SLC1A3: variants seen among roughly 807,000 people sequenced by gnomAD.
SLC1A3 encodes the protein solute carrier family 1 member 3.
A neutral mutation model predicts 48.1 loss-of-function variants in SLC1A3; 21 were observed. That is an observed-to-expected ratio of 0.44 (90% CI 0.31 to 0.63). The LOEUF is 0.63. SLC1A3 is among the 20% of genes least tolerant of loss of function. SLC1A3 has a pLI of 0.08. For synonymous variants in SLC1A3, 239 were observed against 251.4 expected (o/e 0.95, Z 0.47); for missense variants, 546 against 689.0 (o/e 0.79, Z 2.32).
At chr5:36,661,351 G>T (rs1741506979) in intron 3 of SLC1A3, among the ~76,000 whole-genome samples, 1 of 152,244 alleles carries the variant, frequency 6.6e-6, no homozygotes, top group African/African-American at 2.4e-5. Context: ...GGCAGAGGTT[G>T]CAGTAAGCTG....
chr5:36,602,219 T>C (rs1291452167), upstream of SLC1A3, among the ~76,000 whole-genome samples: 1 of 152,168 alleles, frequency 6.6e-6, no homozygotes, highest in Non-Finnish European at 1.5e-5. Flanking sequence ...GGGGCTTCTT[T>C]TGGGAAAAGA....
intron 8 of SLC1A3, 61 bp downstream of exon 8, chr5:36,680,650 GC>G (rs1320038883): frequency 1.3e-4 from 179 of 1,396,142 alleles, no homozygotes; most frequent in Non-Finnish European, 1.7e-4. Context: ...GGGCGTGGTG[GC>G]TCACGCCTGT....
At chr5:36,629,180 T>G (rs949652213) in intron 2 of SLC1A3, among the ~76,000 whole-genome samples, 6 of 152,184 alleles carry the variant, frequency 3.9e-5, no homozygotes, top group Admixed American at 3.3e-4. Context: ...TGAGTTCCAC[T>G]GCATTCAAGT....
intron 3 of SLC1A3, chr5:36,629,796 G>A (rs189172790): frequency 3.7e-5 from 21 of 568,370 alleles, no homozygotes; most frequent in African/African-American, 5.7e-5. Flanking sequence ...AAGAGGAAAC[G>A]AATTTAAACA....
rs68027582 is a variant in SLC1A3, at chr5:36,645,319, CTTTTTTTTTTTTTT to C, written c.319+15748_319+15761del. Among the ~76,000 whole-genome samples, 13 of 84,300 alleles carry C rather than the reference CTTTTTTTTTTTTTT, an allele frequency of 1.5e-4. 1 individual carries two copies. The highest frequency in any genetic ancestry group is 1.5e-3 in the South Asian group (3 of 2,068). 55.3% of individuals were successfully genotyped at this position (84,300 alleles called of 152,430 possible). ...ATCTTTGAGGACTGACTTCCGCTGC[CTTTTTTTTTTTTTT>C]TTTTTTTTTTTTTTTGATAGAGTCT... On this transcript the variant is annotated intron_variant, in intron 3 of 9. Coordinates refer to ENST00000265113, the MANE Select transcript of SLC1A3 (RefSeq NM_004172.5).
At chr5:36,604,053 C>CA (rs1738838268), upstream of SLC1A3, among the ~76,000 whole-genome samples, 2 of 151,676 alleles carry the variant, frequency 1.3e-5, no homozygotes, top group Non-Finnish European at 2.9e-5. Flanking sequence ...CCTTTAAGGA[C>CA]AGGTTGGATT....
intron 2 of SLC1A3, among the ~76,000 whole-genome samples, chr5:36,618,004 A>T (rs941743887): frequency 6.6e-6 from 1 of 152,224 alleles, no homozygotes; most frequent in Non-Finnish European, 1.5e-5. Flanking sequence ...TTTAAAAAAG[A>T]GTTAGCCTCG....
At chr5:36,672,463 G>A (rs764755782) in intron 4 of SLC1A3, among the ~76,000 whole-genome samples, 7 of 152,186 alleles carry the variant, frequency 4.6e-5, no homozygotes, top group Non-Finnish European at 8.8e-5. Flanking sequence ...TCTTCCCAAA[G>A]ACTAGCTCTT....
chr5:36,662,730 C>T (rs982218312), intron 3 of SLC1A3, among the ~76,000 whole-genome samples: 2 of 152,154 alleles, frequency 1.3e-5, no homozygotes, highest in East Asian at 1.9e-4. Flanking sequence ...GAGTTTCCGG[C>T]GACCTCGCTG....
At chr5:36,683,766 G>T (rs1339584814) in intron 8 of SLC1A3, 98 bp from the exon 9 acceptor site, 1 of 1,336,638 alleles carries the variant, frequency 7.5e-7, no homozygotes, top group Non-Finnish European at 1.1e-6. Flanking sequence ...GTGTTACATG[G>T]CAAGTCAGGC....
upstream of SLC1A3, among the ~76,000 whole-genome samples, chr5:36,603,279 T>A (rs1185290220): frequency 5.3e-5 from 8 of 152,226 alleles, no homozygotes; most frequent in Admixed American, 5.2e-4. Context: ...GCACAGCCCC[T>A]TCTCTTAAGT....
At chr5:36,662,238 G>T (rs1296481103) in intron 3 of SLC1A3, among the ~76,000 whole-genome samples, 2 of 152,146 alleles carry the variant, frequency 1.3e-5, no homozygotes, top group Non-Finnish European at 2.9e-5. Context: ...GGGGAGACAG[G>T]GCTTTCCACG....
chr5:36,670,804 T>C, intron 3 of SLC1A3: 2 of 584,172 alleles, frequency 3.4e-6, no homozygotes, highest in Admixed American at 2.8e-5. Flanking sequence ...GGGCAGAAAA[T>C]GAGTGACTGC....
chr5:36,647,166 A>G (rs1740873061), intron 3 of SLC1A3, among the ~76,000 whole-genome samples: 1 of 152,174 alleles, frequency 6.6e-6, no homozygotes, highest in African/African-American at 2.4e-5. Flanking sequence ...TATCTAGTCT[A>G]TTGGAAATGT....
chr5:36,637,547 T>C lies in SLC1A3; in HGVS notation c.319+7960T>C, dbSNP rs975464132. On this transcript the variant is annotated intron_variant, in intron 3 of 9. Coordinates refer to ENST00000265113, the MANE Select transcript of SLC1A3 (RefSeq NM_004172.5). Reference sequence around the variant, plus strand: ...AGAAAAGGTAAATAAGAAAGGAAAATTTAAAGCTTCCTTTATCTCTAGGAA... The same window carrying C: ...AGAAAAGGTAAATAAGAAAGGAAAACTTAAAGCTTCCTTTATCTCTAGGAA... Among the ~76,000 whole-genome samples, 5 of 152,130 alleles carry C rather than the reference T, an allele frequency of 3.3e-5. No homozygotes were observed. In the South Asian group the frequency reaches 6.2e-4, roughly 19 times the overall value.
At chr5:36,601,551 C>A (rs1259758000), upstream of SLC1A3, among the ~76,000 whole-genome samples, 1 of 152,142 alleles carries the variant, frequency 6.6e-6, no homozygotes, top group African/African-American at 2.4e-5. Flanking sequence ...AGGTTTGAAA[C>A]CTGAACTTGG....
chr5:36,676,094 C>A lies in SLC1A3; in HGVS notation c.568-798C>A, dbSNP rs558391516. ...ATAGATGATGGGAAAAAGACCATCT[C>A]TTGAGTTAGAAGAGAAACCCCACTA... On this transcript the variant is annotated intron_variant, in intron 5 of 9. Coordinates refer to ENST00000265113, the MANE Select transcript of SLC1A3 (RefSeq NM_004172.5). Among the ~76,000 whole-genome samples, 3 of 152,300 alleles carry A rather than the reference C, an allele frequency of 2.0e-5. No individual in the cohort carries two copies. The East Asian group carries it at 5.8e-4, about 29-fold the overall frequency.
At chr5:36,603,865 C>T (rs1020735623), upstream of SLC1A3, among the ~76,000 whole-genome samples, 2 of 152,088 alleles carry the variant, frequency 1.3e-5, no homozygotes, top group African/African-American at 4.8e-5. Flanking sequence ...TAAAAATCAA[C>T]TTGGAAAATA....
At chr5:36,645,615 G>A (rs532054213) in intron 3 of SLC1A3, among the ~76,000 whole-genome samples, 3 of 152,106 alleles carry the variant, frequency 2.0e-5, no homozygotes, top group East Asian at 1.9e-4. Context: ...GTGAGCCACC[G>A]CGCCCGGCCC....
Sources: gnomAD v4.1 joint callset for allele counts (sites outside exome capture counted in the v4.1 genomes callset) on GRCh38, gnomAD v4.1.1 for gene constraint, MANE v1.5 for transcripts, NCBI Gene and HGNC (gene_info 2026-07-23, HGNC 2026-07-21) for gene names.